Variants in PKD1L3 observed in about 807,000 individuals in gnomAD.
PKD1L3 encodes polycystin-1-like protein 3.
In PKD1L3, 239 loss-of-function variants were observed where a neutral mutation model predicts 184.1. The observed-to-expected ratio is 1.30, with a 90% confidence interval of 1.17 to 1.45. The LOEUF is 1.45. Among genes scored for constraint, PKD1L3 ranks in the 40% most tolerant of loss-of-function variants. The probability of loss-of-function intolerance (pLI) is 0.00; values close to 1 mark genes in which losing one functional copy is unlikely to be tolerated. For synonymous variants in PKD1L3, 996 were observed against 778.8 expected, an observed-to-expected ratio of 1.28 and a Z score of -4.64; for missense variants, 2,660 against 2,067.2, an observed-to-expected ratio of 1.29 and a Z score of -5.56.
intron 6 of PKD1L3, among the ~76,000 whole-genome samples, chr16:71,983,670 T>C (rs1353489827): frequency 4.6e-5 from 6 of 129,832 alleles, no homozygotes; most frequent in African/African-American, 1.4e-4. Flanking sequence ...TTTCTTTTTT[T>C]TTTTTTTTTT....
intron 15 of PKD1L3, among the ~76,000 whole-genome samples, chr16:71,965,690 G>A (rs12708921): frequency 0.27 from 40,362 of 151,732 alleles, 5,640 homozygotes; most frequent in South Asian, 0.41. Context: ...AGCAGCTGGG[G>A]TGACAGGCAT....
intron 21 of PKD1L3, among the ~76,000 whole-genome samples, chr16:71,949,067 T>G (rs1026962248): frequency 5.9e-5 from 9 of 152,050 alleles, no homozygotes; most frequent in African/African-American, 2.2e-4. Context: ...TCCCCCCAAA[T>G]AATAGATGAA....
chr16:71,953,046 T>C lies in PKD1L3; in HGVS notation c.2857A>G (p.Thr953Ala), dbSNP rs1357251968. 1.4e-5 allele frequency: 22 copies of C among 1,544,926 alleles called. No individual in the cohort carries two copies. The highest frequency in any genetic ancestry group is 1.9e-5 in the Non-Finnish European group (22 of 1,144,510). Residue 953 changes from threonine to alanine, a missense_variant, in exon 18 of 30, where the codon ACT (threonine) becomes GCT (alanine). Physicochemically the swap from Thr to Ala is moderately conservative, Grantham distance 58 (BLOSUM62 0). Coordinates refer to ENST00000620267, the MANE Select transcript of PKD1L3 (RefSeq NM_181536.2). ...AWSELLVSIHTAVILFPINLV... is the reference protein window; with the variant it reads ...AWSELLVSIHAAVILFPINLV... ...TTGATTGGGAAGAGGATGACAGCAG[T>C]ATGGATGCTGACCAGCAGTTCAGAC...
rs1167422127 is a variant in PKD1L3 at position 71,979,735 on chromosome 16, AT to A, written c.1398+50del. 6 of 1,460,038 alleles carry A rather than the reference AT, an allele frequency of 4.1e-6. No homozygotes were observed. In the South Asian group the frequency reaches 7.6e-5, roughly 18 times the overall value. The allele number at this position is 1,460,038 out of a possible 1,614,324, so 90.4% of individuals were successfully genotyped here. On this transcript the variant is annotated intron_variant, in intron 9 of 29. Coordinates refer to ENST00000620267, the MANE Select transcript of PKD1L3 (RefSeq NM_181536.2). ...ACATTACTTTCACCCAAATGCCTAC[AT>A]GGCCATCAGATCCCATTTTCATTCT...
At position 71,942,694 on chromosome 16, in the gene PKD1L3, C is replaced by A; in HGVS notation, c.4190G>T (p.Ser1397Ile). The change falls in exon 24 of 30, where the codon AGC becomes ATC. Residue 1397 changes from serine (S) to isoleucine (I), a missense_variant. Transcript: ENST00000620267. Reference protein sequence around the residue: ...DNGHTCGRPKSLFPGLHLRRF... With the variant: ...DNGHTCGRPKILFPGLHLRRF... Reference sequence around the variant, plus strand: ...CCTTAGATGAAGTCCAGGGAATAGGCTCTTGGGACGCCCACAGGTATGGCC... The same window carrying A: ...CCTTAGATGAAGTCCAGGGAATAGGATCTTGGGACGCCCACAGGTATGGCC... 1 of 1,551,728 alleles carries A rather than the reference C, an allele frequency of 6.4e-7. No individual in the cohort carries two copies. Among genetic ancestry groups the A allele is most frequent in the African/African-American group, 1.4e-5 (1 of 73,160 alleles).
rs1283370135 is a variant in PKD1L3, at chr16:71,937,409, G to A, written c.4335C>T (p.Phe1445=). Residue 1445 remains phenylalanine, a synonymous_variant, in exon 25 of 30, where the codon TTC becomes TTT. Coordinates refer to ENST00000620267, the MANE Select transcript of PKD1L3 (RefSeq NM_181536.2). ...GFSYIMRGAF[F]TSLRLESFTS... Reference sequence around the variant, plus strand: ...TGAAGCTTTCCAGTCTCAAAGAGGTGAAGAAAGCACCTGAGAATAACAAAG... The same window carrying A: ...TGAAGCTTTCCAGTCTCAAAGAGGTAAAGAAAGCACCTGAGAATAACAAAG... The A allele has an allele frequency of 1.3e-6, 2 of 1,551,334 alleles. No individual in the cohort carries two copies. Among genetic ancestry groups the A allele is most frequent in the Admixed American group, 2.0e-5 (1 of 50,922 alleles).
chr16:71,973,308 C>A lies in PKD1L3; in HGVS notation c.1953+16G>T, dbSNP rs756978981. On this transcript the variant is annotated intron_variant, in intron 12 of 29. Coordinates refer to ENST00000620267, the MANE Select transcript of PKD1L3 (RefSeq NM_181536.2). ...TATGGCAGAAGAGAGGCCCAAGAAG[C>A]GGCTCAGTTTCTTACTTGGCATCCG... 4 of 1,550,052 alleles carry A rather than the reference C, an allele frequency of 2.6e-6. No homozygotes were observed. In the Admixed American group the frequency reaches 5.9e-5, roughly 23 times the overall value.
intron 4 of PKD1L3, among the ~76,000 whole-genome samples, chr16:71,990,060 C>A (rs184269298): frequency 1.6e-5 from 2 of 125,974 alleles, no homozygotes; most frequent in Admixed American, 9.3e-5. Flanking sequence ...GCCTGGGTGA[C>A]AAAGTGAGAC....
intron 16 of PKD1L3, among the ~76,000 whole-genome samples, 180 bp downstream of exon 16, chr16:71,963,025 C>T (rs2039342096): frequency 6.6e-6 from 1 of 152,052 alleles, no homozygotes; most frequent in Admixed American, 6.6e-5. Context: ...CTCTTTTTGT[C>T]TTCCTTCTGA....
At chr16:71,961,785 T>C (rs2039290366) in intron 16 of PKD1L3, among the ~76,000 whole-genome samples, 1 of 152,226 alleles carries the variant, frequency 6.6e-6, no homozygotes, top group Non-Finnish European at 1.5e-5. Flanking sequence ...ATGGTTGTTT[T>C]AATCCACTCA....
intron 2 of PKD1L3, among the ~76,000 whole-genome samples, chr16:71,993,568 C>G (rs1393001278): frequency 6.6e-6 from 1 of 152,160 alleles, no homozygotes; most frequent in Non-Finnish European, 1.5e-5. Flanking sequence ...AGTTCATTAA[C>G]CCATTTATGC....
intron 2 of PKD1L3, among the ~76,000 whole-genome samples, chr16:71,994,692 G>A (rs1457017674): frequency 6.6e-6 from 1 of 152,034 alleles, no homozygotes; most frequent in Non-Finnish European, 1.5e-5. Context: ...CCTACATTTA[G>A]GGATTGCTTT....
rs143040455 is a variant in PKD1L3, at chr16:71,950,264, A to T, written c.3237T>A (p.Val1079=). 3.9e-6 allele frequency: 6 copies of T among 1,550,570 alleles called. No homozygotes were observed. The highest frequency in any genetic ancestry group is 5.2e-6 in the Non-Finnish European group (6 of 1,146,034). ...HHHFCCYLHR[V]LQRLKSHLGT... is the part of the protein sequence containing the mutation. ...CTAAGTGAGATTTCAGCCTCTGCAG[A>T]ACTCTATGCAGGTAACAGCAGAAAT... Residue 1079 remains valine, a synonymous_variant, in exon 20 of 30, where the codon GTT becomes GTA. Transcript: ENST00000620267.
At chr16:71,970,843 T>A (rs948708092) in intron 12 of PKD1L3, among the ~76,000 whole-genome samples, 1 of 152,014 alleles carries the variant, frequency 6.6e-6, no homozygotes, top group Non-Finnish European at 1.5e-5. Flanking sequence ...ATAAAAATTT[T>A]AAAAAATGGA....
intron 2 of PKD1L3, among the ~76,000 whole-genome samples, chr16:71,996,714 G>C (rs1358545277): frequency 1.3e-5 from 2 of 152,192 alleles, no homozygotes; most frequent in East Asian, 3.9e-4. Context: ...TTTGAGATTG[G>C]CTTTGTTCAC....
At chr16:71,966,307 C>A (rs886555397) in intron 15 of PKD1L3, among the ~76,000 whole-genome samples, 3 of 152,120 alleles carry the variant, frequency 2.0e-5, no homozygotes, top group African/African-American at 7.2e-5. Context: ...AAGGAAGATA[C>A]TGAATCATTC....
intron 21 of PKD1L3, among the ~76,000 whole-genome samples, chr16:71,948,106 G>C (rs1193363357): frequency 1.3e-5 from 2 of 151,898 alleles, no homozygotes; most frequent in Non-Finnish European, 2.9e-5. Context: ...TTTTGAGACA[G>C]AGTCTTGTTC....
At chr16:71,989,562 G>A (rs1050289548) in intron 4 of PKD1L3, among the ~76,000 whole-genome samples, 5 of 152,224 alleles carry the variant, frequency 3.3e-5, no homozygotes, top group Non-Finnish European at 7.3e-5. Context: ...TAGGACACAA[G>A]GGCAAGAATG....
chr16:71,981,440 A>G (rs1399574839), intron 7 of PKD1L3, among the ~76,000 whole-genome samples: 1 of 151,210 alleles, frequency 6.6e-6, no homozygotes, highest in Non-Finnish European at 1.5e-5. Context: ...TTTGATTTGC[A>G]TTTCCCTAAT....
Sources: gnomAD v4.1 joint callset for allele counts (sites outside exome capture counted in the v4.1 genomes callset) on GRCh38, gnomAD v4.1.1 for gene constraint, MANE v1.5 for transcripts, NCBI Gene and HGNC (gene_info 2026-07-23, HGNC 2026-07-21) for gene names.